The following STX8 variants were observed in gnomAD, a reference collection of about 807,000 sequenced individuals.
The protein encoded by STX8 is syntaxin-8.
STX8 carries 23 observed loss-of-function variants against 37.5 expected under a neutral mutation model. The ratio of observed to expected loss-of-function variants is 0.61; its 90% confidence interval spans 0.44 to 0.87. The LOEUF is 0.87. Among genes scored for constraint, STX8 ranks in the 40% least tolerant of loss-of-function variants. STX8 has a pLI of 0.00. For synonymous variants in STX8, 115 were observed against 99.1 expected (o/e 1.16, Z -0.95); for missense variants, 313 against 284.7 (o/e 1.10, Z -0.71).
chr17:9,351,205 G>A (rs1284714726), intron 7 of STX8, among the ~76,000 whole-genome samples: 45 of 122,926 alleles, frequency 3.7e-4, no homozygotes, highest in African/African-American at 1.0e-3. Flanking sequence ...TTTTTGAGAC[G>A]GAGTCTCACA....
At chr17:9,325,866 ACT>A (rs1459871044) in intron 7 of STX8, among the ~76,000 whole-genome samples, 2 of 152,124 alleles carry the variant, frequency 1.3e-5, no homozygotes, top group East Asian at 3.9e-4. Flanking sequence ...AGGTGCAATG[ACT>A]CTGGAGTGTG....
intron 7 of STX8, among the ~76,000 whole-genome samples, chr17:9,272,746 G>A (rs1012922021): frequency 6.6e-6 from 1 of 152,132 alleles, no homozygotes; most frequent in African/African-American, 2.4e-5. Context: ...CTTTACGCCC[G>A]CTGGAACACT....
intron 6 of STX8, among the ~76,000 whole-genome samples, chr17:9,422,555 C>T (rs557561269): frequency 4.6e-5 from 7 of 152,342 alleles, no homozygotes; most frequent in Middle Eastern, 3.4e-3. Context: ...AATATGTGGC[C>T]TTTTGTGTCC....
At chr17:9,404,500 G>A (rs981722558) in intron 6 of STX8, among the ~76,000 whole-genome samples, 5 of 151,640 alleles carry the variant, frequency 3.3e-5, no homozygotes, top group Admixed American at 6.6e-5. Flanking sequence ...CTGTCACCAC[G>A]CTGGAGTGCA....
At chr17:9,260,748 G>C (rs1385090033) in intron 7 of STX8, among the ~76,000 whole-genome samples, 1 of 152,204 alleles carries the variant, frequency 6.6e-6, no homozygotes, top group Non-Finnish European at 1.5e-5. Flanking sequence ...ACTGGGAAGA[G>C]AGAGGCACCT....
intron 7 of STX8, among the ~76,000 whole-genome samples, chr17:9,266,924 C>A (rs1007650283): frequency 6.6e-6 from 1 of 152,204 alleles, no homozygotes; most frequent in African/African-American, 2.4e-5. Flanking sequence ...TGAAGCCTGT[C>A]CCCTTTGTCG....
chr17:9,439,595 A>G (rs1448920149), intron 6 of STX8, among the ~76,000 whole-genome samples: 1 of 150,198 alleles, frequency 6.7e-6, no homozygotes, highest in Non-Finnish European at 1.5e-5. Context: ...TCCCAGGTTC[A>G]AGTGATTCTC....
At chr17:9,265,402 C>CT (rs1907199431) in intron 7 of STX8, among the ~76,000 whole-genome samples, 1 of 152,212 alleles carries the variant, frequency 6.6e-6, no homozygotes, top group Non-Finnish European at 1.5e-5. Flanking sequence ...CCCTCCTTTC[C>CT]TGGGCACACT....
At chr17:9,365,526 T>TA (rs1911203033) in intron 7 of STX8, among the ~76,000 whole-genome samples, 1 of 152,236 alleles carries the variant, frequency 6.6e-6, no homozygotes, top group African/African-American at 2.4e-5. Context: ...TGGTAGCTAA[T>TA]GAAGACACAG....
chr17:9,310,196 T>G (rs981492824), intron 7 of STX8, among the ~76,000 whole-genome samples: 1 of 152,160 alleles, frequency 6.6e-6, no homozygotes, highest in Non-Finnish European at 1.5e-5. Context: ...GGCACCCTGA[T>G]AACCAAAATC....
At chr17:9,251,542 G>A (rs1417797110) in intron 7 of STX8, among the ~76,000 whole-genome samples, 1 of 152,230 alleles carries the variant, frequency 6.6e-6, no homozygotes, top group Non-Finnish European at 1.5e-5. Context: ...CACGAGAGAG[G>A]TGGGTAGCAG....
intron 7 of STX8, among the ~76,000 whole-genome samples, chr17:9,307,974 C>G (rs1909059449): frequency 6.6e-6 from 1 of 152,172 alleles, no homozygotes; most frequent in Admixed American, 6.5e-5. Flanking sequence ...GAAAGGAAAG[C>G]TACACAGAGA....
In STX8 at chr17:9,314,047, T is replaced by C. The variant is rs1475357252; in HGVS notation, c.644-63402A>G. Reference sequence around the variant, plus strand: ...TGATCTCATTTGGTTTAACAGTTATTTATATACACGTCTTAACTCCCCTAC... The same window carrying C: ...TGATCTCATTTGGTTTAACAGTTATCTATATACACGTCTTAACTCCCCTAC... On this transcript the variant is annotated intron_variant, in intron 7 of 7. Transcript: ENST00000306357. Among the ~76,000 whole-genome samples, 3 of 152,328 alleles carry C rather than the reference T, an allele frequency of 2.0e-5. No individual in the cohort carries two copies. The East Asian group carries it at 5.8e-4, about 29-fold the overall frequency.
At chr17:9,382,083 T>C (rs954736628) in intron 6 of STX8, among the ~76,000 whole-genome samples, 1 of 152,142 alleles carries the variant, frequency 6.6e-6, no homozygotes, top group Admixed American at 6.6e-5. Context: ...AATTCTCTCA[T>C]ATTTCAATGA....
At chr17:9,519,140 G>A (rs1478633016) in intron 4 of STX8, among the ~76,000 whole-genome samples, 2 of 152,020 alleles carry the variant, frequency 1.3e-5, no homozygotes, top group Admixed American at 6.6e-5. Flanking sequence ...TGAAAATCAC[G>A]GTGCTAAACA....
chr17:9,385,837 G>A (rs1249147545), intron 6 of STX8, among the ~76,000 whole-genome samples: 2 of 152,174 alleles, frequency 1.3e-5, no homozygotes, highest in Non-Finnish European at 2.9e-5. Context: ...GCAGTGGCAC[G>A]ATCTCCGCTC....
chr17:9,499,547 C>T (rs1341133363), intron 5 of STX8, among the ~76,000 whole-genome samples: 2 of 152,092 alleles, frequency 1.3e-5, no homozygotes, highest in Non-Finnish European at 2.9e-5. Context: ...TACAGGCGCC[C>T]GCCACGGACG....
At chr17:9,556,077 T>G (rs1323502790) in intron 3 of STX8, among the ~76,000 whole-genome samples, 2 of 152,194 alleles carry the variant, frequency 1.3e-5, no homozygotes, top group Non-Finnish European at 2.9e-5. Context: ...TGTAATTGTT[T>G]GAAATTAAAC....
At chr17:9,458,371 G>C (rs535987569) in intron 6 of STX8, among the ~76,000 whole-genome samples, 55 of 152,234 alleles carry the variant, frequency 3.6e-4, no homozygotes, top group African/African-American at 1.2e-3. Context: ...GGATGGTGTC[G>C]ATCTCCTGAC....
Sources: gnomAD v4.1 joint callset for allele counts (sites outside exome capture counted in the v4.1 genomes callset) on GRCh38, gnomAD v4.1.1 for gene constraint, MANE v1.5 for transcripts, NCBI Gene and HGNC (gene_info 2026-07-23, HGNC 2026-07-21) for gene names.